CYSLTR2: variants seen among roughly 807,000 people sequenced by gnomAD.
CYSLTR2 encodes G-protein coupled receptor GPCR21.
For missense variants in CYSLTR2, 398 were observed against 411.9 expected, an observed-to-expected ratio of 0.97 and a Z score of 0.29; for synonymous variants, 179 against 160.8, an observed-to-expected ratio of 1.11 and a Z score of -0.86.
At chr13:48,698,503 C>T (rs1015863434) in intron 4 of CYSLTR2, among the ~76,000 whole-genome samples, 2 of 152,190 alleles carry the variant, frequency 1.3e-5, no homozygotes, top group Non-Finnish European at 2.9e-5. Flanking sequence ...GCCTGCCTTA[C>T]AAGAGCTCCT....
chr13:48,697,717 T>C (rs1362125970), intron 4 of CYSLTR2, among the ~76,000 whole-genome samples: 4 of 152,084 alleles, frequency 2.6e-5, no homozygotes, highest in Admixed American at 6.6e-5. Context: ...AACAAACTTC[T>C]CCAAGTTAAA....
At chr13:48,663,544 T>C (rs977643398) in intron 1 of CYSLTR2, among the ~76,000 whole-genome samples, 2 of 152,056 alleles carry the variant, frequency 1.3e-5, no homozygotes, top group African/African-American at 4.8e-5. Context: ...CTTGTAGAGG[T>C]CTTTCACCTC....
At chr13:48,683,923 T>A (rs575352154) in intron 1 of CYSLTR2, among the ~76,000 whole-genome samples, 2 of 152,262 alleles carry the variant, frequency 1.3e-5, no homozygotes, top group Admixed American at 6.5e-5. Context: ...AGTCACTTTT[T>A]AAAAAAATTA....
At chr13:48,671,243 C>T (rs142916810) in intron 1 of CYSLTR2, among the ~76,000 whole-genome samples, 1 of 152,210 alleles carries the variant, frequency 6.6e-6, no homozygotes, top group African/African-American at 2.4e-5. Context: ...TGGACTTCCT[C>T]TCTTCCTATT....
At chr13:48,706,492 T>G in intron 4 of CYSLTR2, 1 of 225,506 alleles carries the variant, frequency 4.4e-6, no homozygotes, top group Non-Finnish European at 8.7e-6. Context: ...AAATCTGCTA[T>G]TCAGTAGTTT....
intron 1 of CYSLTR2, among the ~76,000 whole-genome samples, chr13:48,669,585 A>G (rs1057163212): frequency 2.6e-5 from 4 of 152,134 alleles, no homozygotes; most frequent in African/African-American, 9.7e-5. Context: ...AGCTTCATCC[A>G]TGTCCCTGCA....
rs568637947 is a variant in CYSLTR2, at chr13:48,671,910, A to AT, written c.-266+17905dup. Reference sequence around the variant, plus strand: ...TGGCTTAGAATCCATCTGGTCCTGGATTTTTTTTTTTTGGTTCGTAGGCTA... The same window carrying AT: ...TGGCTTAGAATCCATCTGGTCCTGGATTTTTTTTTTTTTGGTTCGTAGGCTA... On this transcript the variant is annotated intron_variant, in intron 1 of 4. Transcript: ENST00000682523. 1.7e-3 allele frequency among the ~76,000 whole-genome samples: 250 copies of AT among 143,236 alleles called. 2 individuals carry two copies. Among genetic ancestry groups the AT allele is most frequent in the South Asian group, 0.014 (63 of 4,538 alleles). 94.0% of individuals were successfully genotyped at this position (143,236 alleles called of 152,430 possible).
intron 4 of CYSLTR2, among the ~76,000 whole-genome samples, chr13:48,702,233 G>C (rs567868271): frequency 7.1e-6 from 1 of 140,704 alleles, no homozygotes; most frequent in Non-Finnish European, 1.5e-5. Flanking sequence ...ACACAGGGTG[G>C]GGAACATCAC....
intron 2 of CYSLTR2, among the ~76,000 whole-genome samples, chr13:48,693,201 T>C (rs532718324): frequency 1.1e-4 from 16 of 151,984 alleles, no homozygotes; most frequent in African/African-American, 3.4e-4. Context: ...GAAAATTCAG[T>C]TTAACAAAAA....
In CYSLTR2 at chr13:48,707,053, A is replaced by G. The variant is rs746779201; in HGVS notation, c.236A>G (p.Asn79Ser). ...ACATCTGTGAACGTTTTCATGCTAA[A>G]TCTGGCCATTTCAGATCTCCTGTTC... ...KSTSVNVFML[N>S]LAISDLLFIS... is the part of the protein sequence containing the mutation. The change falls in exon 5 of 5, where the codon AAT (asparagine) becomes AGT (serine). Residue 79 changes from asparagine to serine, a missense_variant. By Grantham distance (46) the Asn-to-Ser change is conservative. Transcript: ENST00000682523. 6 of 1,614,198 alleles carry G rather than the reference A, an allele frequency of 3.7e-6. No individual in the cohort carries two copies. Among genetic ancestry groups the G allele is most frequent in the Non-Finnish European group, 5.1e-6 (6 of 1,180,042 alleles).
Position 48,679,635 on chromosome 13 carries a change from C to T in CYSLTR2, c.-265-11577C>T, listed in dbSNP as rs187395507. ...AAGAGTAGCAAGGATTGTTTGAGGA[C>T]TAATTGAGTTAATAGCATAAGGAGC... On this transcript the variant is annotated intron_variant, in intron 1 of 4. Coordinates refer to ENST00000682523, the MANE Select transcript of CYSLTR2 (RefSeq NM_001308476.3). Among the ~76,000 whole-genome samples, 162 of 152,290 alleles carry T rather than the reference C, an allele frequency of 1.1e-3. 1 individual carries two copies. Among genetic ancestry groups the T allele is most frequent in the Admixed American group, 4.4e-3 (67 of 15,290 alleles).
At chr13:48,656,407 A>AT (rs1249235213) in intron 1 of CYSLTR2, among the ~76,000 whole-genome samples, 2 of 150,872 alleles carry the variant, frequency 1.3e-5, no homozygotes, top group Non-Finnish European at 3.0e-5. Context: ...CTTAACATCC[A>AT]TTTTTTTTTC....
At chr13:48,703,142 A>C (rs1208461102) in intron 4 of CYSLTR2, among the ~76,000 whole-genome samples, 6 of 152,034 alleles carry the variant, frequency 3.9e-5, no homozygotes, top group Admixed American at 3.9e-4. Context: ...GTATTCTGCC[A>C]CTTTGTTAAA....
chr13:48,702,098 C>G (rs1954364826), intron 4 of CYSLTR2, among the ~76,000 whole-genome samples: 1 of 152,064 alleles, frequency 6.6e-6, no homozygotes, highest in Non-Finnish European at 1.5e-5. Flanking sequence ...AGGATGAGTT[C>G]ATGTCCTTTG....
chr13:48,662,289 G>A (rs1953150090), intron 1 of CYSLTR2, among the ~76,000 whole-genome samples: 1 of 152,096 alleles, frequency 6.6e-6, no homozygotes, highest in South Asian at 2.1e-4. Context: ...CCATAACTTG[G>A]CTATTGTGAA....
intron 1 of CYSLTR2, among the ~76,000 whole-genome samples, chr13:48,685,139 C>T (rs1231666557): frequency 6.6e-6 from 1 of 152,132 alleles, no homozygotes; most frequent in Non-Finnish European, 1.5e-5. Flanking sequence ...AGCATGGCGG[C>T]ATCTGCTTCT....
At position 48,693,771 on chromosome 13, in the gene CYSLTR2, C is replaced by T. The variant is rs117702150; in HGVS notation, c.-103+261C>T. Among the ~76,000 whole-genome samples the T allele has an allele frequency of 4.4e-3, 670 of 152,262 alleles. 3 individuals carry two copies. Among genetic ancestry groups the T allele is most frequent in the Middle Eastern group, 0.014 (4 of 290 alleles). ...TCAATTAACTAGCACTTACTAATTC[C>T]TAAAGTATGGAAATAAAAGGAGGGG... On this transcript the variant is annotated intron_variant, in intron 3 of 4. Transcript: ENST00000682523.
At chr13:48,699,011 G>T (rs1032413534) in intron 4 of CYSLTR2, among the ~76,000 whole-genome samples, 2 of 152,196 alleles carry the variant, frequency 1.3e-5, no homozygotes, top group Non-Finnish European at 2.9e-5. Context: ...GGAGCACCCA[G>T]ATTCATAAAG....
rs755584589 is a variant in CYSLTR2, at chr13:48,706,922, C to T, written c.105C>T (p.Asn35=). 6.2e-6 allele frequency: 10 copies of T among 1,614,028 alleles called. No homozygotes were observed. The Admixed American group carries it at 1.7e-4, about 27-fold the overall frequency. Residue 35 remains asparagine, a synonymous_variant, in exon 5 of 5, where the codon AAC becomes AAT. Coordinates refer to ENST00000682523, the MANE Select transcript of CYSLTR2 (RefSeq NM_001308476.3). ...ACAGCAGGAACTGCACAATTGAAAA[C>T]TTCAAGAGAGAATTTTTCCCAATTG... ...NNNSRNCTIE[N]FKREFFPIVY... is the part of the protein sequence containing the mutation.
Sources: allele counts gnomAD v4.1 joint callset (sites outside exome capture counted in the v4.1 genomes callset), GRCh38; gene constraint gnomAD v4.1.1; transcripts MANE v1.5; gene names NCBI Gene and HGNC (gene_info 2026-07-23, HGNC 2026-07-21).